Variants in THRAP3 observed in about 807,000 individuals in gnomAD.
THRAP3 encodes the protein thyroid hormone receptor-associated protein 3.
In THRAP3, 16 loss-of-function variants were observed where a neutral mutation model predicts 101.0. That is an observed-to-expected ratio of 0.16 (90% CI 0.11 to 0.24). The LOEUF is 0.24. Ranked by LOEUF, THRAP3 falls within the 10% of genes least tolerant of loss-of-function variation. The pLI is 1.00. For missense variants in THRAP3, 989 were observed against 1,202.7 expected (o/e 0.82, Z 2.63); for synonymous variants, 407 against 422.6 (o/e 0.96, Z 0.45).
intron 1 of THRAP3, among the ~76,000 whole-genome samples, chr1:36,255,138 A>G (rs1645356544): frequency 6.6e-6 from 1 of 152,072 alleles, no homozygotes; most frequent in South Asian, 2.1e-4. Flanking sequence ...TATTCATTAG[A>G]TACTTTGGGT....
chr1:36,233,234 G>A (rs1446169731), intron 1 of THRAP3, among the ~76,000 whole-genome samples: 10 of 151,448 alleles, frequency 6.6e-5, no homozygotes, highest in East Asian at 5.9e-4. Context: ...TTGGCCTGGC[G>A]TGGTGGCTCA....
chr1:36,247,373 G>A (rs1199756988), intron 1 of THRAP3, among the ~76,000 whole-genome samples: 1 of 151,926 alleles, frequency 6.6e-6, no homozygotes, highest in East Asian at 2.0e-4. Context: ...CGTCCAGGCT[G>A]GAGTGCAGTG....
Position 36,300,964 on chromosome 1 carries a change from G to C in THRAP3, c.2382G>C (p.Glu794Asp). 6.2e-7 allele frequency: 1 copy of C among 1,614,148 alleles called. No homozygotes were observed. Among genetic ancestry groups the C allele is most frequent in the Non-Finnish European group, 8.5e-7 (1 of 1,180,022 alleles). The change falls in exon 10 of 12, where the codon GAG becomes GAC. Residue 794 changes from glutamate (E) to aspartate (D), a missense_variant. Glu to Asp is a conservative substitution (Grantham distance 45, BLOSUM62 2). Transcript: ENST00000354618. ...SQSSHSYKAE[E>D]YTEETEEREE... is the part of the protein sequence containing the mutation. ...CATCTCACTCCTACAAAGCAGAAGA[G>C]TACACTGAAGAGACAGAGGAAAGAG...
chr1:36,216,554 T>C, the THRAP3 span, among the ~76,000 whole-genome samples: 1 of 142,626 alleles, frequency 7.0e-6, no homozygotes, highest in Non-Finnish European at 1.5e-5. Context: ...ATAATCCTAG[T>C]ACTTTGGGAG....
intron 7 of THRAP3, 26 bp downstream of exon 7, chr1:36,292,735 G>A (rs1440423480): frequency 6.5e-7 from 1 of 1,544,974 alleles, no homozygotes; most frequent in Non-Finnish European, 8.8e-7. Context: ...TTATACTGGA[G>A]GTTGTAATAA....
chr1:36,234,002 C>CT (rs35504056), intron 1 of THRAP3, among the ~76,000 whole-genome samples: 2 of 152,028 alleles, frequency 1.3e-5, no homozygotes, highest in Admixed American at 1.3e-4. Context: ...GTCACCCAGG[C>CT]TGGAGTATGG....
chr1:36,213,909 G>GAGAAAGAAAGAAAGAA, the THRAP3 span, among the ~76,000 whole-genome samples: 13 of 80,354 alleles, frequency 1.6e-4, no homozygotes, highest in East Asian at 3.5e-4. Flanking sequence ...AAGAAGGAAA[G>GAGAAAGAAAGAAAGAA]AGAAAGAAAG....
the THRAP3 span, among the ~76,000 whole-genome samples, chr1:36,209,065 C>T: frequency 7.0e-6 from 1 of 143,088 alleles, no homozygotes; most frequent in African/African-American, 2.5e-5. Context: ...CAGCCTCGAA[C>T]TCCTGGGCTC....
Position 36,305,016 on chromosome 1 carries a change from C to G in THRAP3, c.*999C>G, listed in dbSNP as rs941671330. The G allele has an allele frequency of 1.6e-5, 3 of 185,460 alleles. No individual in the cohort carries two copies. Among genetic ancestry groups the G allele is most frequent in the Non-Finnish European group, 2.2e-5 (2 of 91,636 alleles). The allele number at this position is 185,460 out of a possible 1,614,324, so 11.5% of individuals were successfully genotyped here. On this transcript the variant is annotated 3_prime_UTR_variant, in exon 12 of 12. Transcript: ENST00000354618. ...TTTTTTTGGGTTTCTTTTTTTTTTT[C>G]TTTGTCTTTTTAACCTTAAGCTGTT...
the THRAP3 span, among the ~76,000 whole-genome samples, chr1:36,216,495 C>CAAAAA: frequency 5.3e-5 from 3 of 56,406 alleles, no homozygotes; most frequent in African/African-American, 2.2e-4. Context: ...GACTCCGTCT[C>CAAAAA]AAAAAAAAAA....
At chr1:36,240,197 A>T (rs546972094) in intron 1 of THRAP3, among the ~76,000 whole-genome samples, 2 of 152,312 alleles carry the variant, frequency 1.3e-5, no homozygotes, top group South Asian at 4.1e-4. Context: ...AAGTTCCATG[A>T]TAGGCTGTCT....
chr1:36,283,113 C>T (rs1178941703), intron 3 of THRAP3, among the ~76,000 whole-genome samples: 1 of 152,158 alleles, frequency 6.6e-6, no homozygotes, highest in African/African-American at 2.4e-5. Context: ...GGAAAAGAAG[C>T]TTCAACTCAC....
intron 1 of THRAP3, among the ~76,000 whole-genome samples, chr1:36,229,400 G>GTTTTTTTTTT (rs1334518786): frequency 9.7e-6 from 1 of 102,656 alleles, no homozygotes; most frequent in Non-Finnish European, 1.9e-5. Flanking sequence ...CTGGTCTACA[G>GTTTTTTTTTT]TTTTTTTTTT....
chr1:36,230,035 A>G (rs868651240), intron 1 of THRAP3, among the ~76,000 whole-genome samples: 6 of 142,216 alleles, frequency 4.2e-5, no homozygotes, highest in Non-Finnish European at 6.0e-5. Flanking sequence ...GCTCACTGCA[A>G]CCTCCACCTC....
In THRAP3 at chr1:36,254,130, C is replaced by T. The variant is rs144494764; in HGVS notation, c.-134-5252C>T. ...GTCAGGATATTCACCTTCTTTTTCT[C>T]AGCACTGCACTCCAGCCTAGGTGAC... On this transcript the variant is annotated intron_variant, in intron 1 of 11. Transcript: ENST00000354618. 3.8e-3 allele frequency among the ~76,000 whole-genome samples: 582 copies of T among 152,212 alleles called. 1 individual carries two copies. Among genetic ancestry groups the T allele is most frequent in the Non-Finnish European group, 6.1e-3 (414 of 68,022 alleles).
chr1:36,294,730 C>T (rs371470913), intron 8 of THRAP3, among the ~76,000 whole-genome samples: 6 of 152,204 alleles, frequency 3.9e-5, no homozygotes, highest in East Asian at 3.8e-4. Context: ...AGTACCCCTT[C>T]TCCAGCTTTG....
intron 5 of THRAP3, among the ~76,000 whole-genome samples, chr1:36,290,381 G>A (rs1342242058): frequency 6.6e-6 from 1 of 151,972 alleles, no homozygotes; most frequent in Non-Finnish European, 1.5e-5. Context: ...AGTAGAGATG[G>A]GGTTTCACCG....
chr1:36,224,725 C>G (rs1042147111), intron 1 of THRAP3, among the ~76,000 whole-genome samples: 1 of 152,166 alleles, frequency 6.6e-6, no homozygotes, highest in Non-Finnish European at 1.5e-5. Flanking sequence ...GGCCTAGCTC[C>G]CAAGGCTCTT....
intron 9 of THRAP3, among the ~76,000 whole-genome samples, chr1:36,297,836 G>C (rs1394964869): frequency 6.6e-6 from 1 of 151,442 alleles, no homozygotes; most frequent in African/African-American, 2.4e-5. Context: ...GCCAAGCTTA[G>C]AATAATGTGC....
Sources: gnomAD v4.1 joint callset for allele counts (sites outside exome capture counted in the v4.1 genomes callset) on GRCh38, gnomAD v4.1.1 for gene constraint, MANE v1.5 for transcripts, NCBI Gene and HGNC (gene_info 2026-07-23, HGNC 2026-07-21) for gene names.